SLIT3: variants seen among roughly 807,000 people sequenced by gnomAD.
SLIT3 encodes slit guidance ligand 3, also known as slit homolog 3 protein.
In SLIT3, 68 loss-of-function variants were observed where a neutral mutation model predicts 184.0. The ratio of observed to expected loss-of-function variants is 0.37; its 90% CI spans 0.30 to 0.45. The LOEUF is 0.45. Among genes scored for constraint, SLIT3 ranks in the 20% least tolerant of loss-of-function variants. The pLI is 1.00. For synonymous variants in SLIT3, 831 were observed against 828.6 expected (o/e 1.00, Z -0.05); for missense variants, 1,707 against 2,026.0 (o/e 0.84, Z 3.02).
intron 12 of SLIT3, among the ~76,000 whole-genome samples, chr5:168,777,391 C>T (rs565152145): frequency 6.6e-6 from 1 of 152,314 alleles, no homozygotes; most frequent in African/African-American, 2.4e-5. Flanking sequence ...AGGCACTAGA[C>T]AAGGACGATG....
Position 169,243,576 on chromosome 5 carries a change from G to C in SLIT3, c.341+1129C>G, listed in dbSNP as rs137931469. On this transcript the variant is annotated intron_variant, in intron 3 of 35. Transcript: ENST00000519560. ...GAGAGGGAGGAAAGCATTTTTCTGGGTAATACTAACTGACGTGCAATGGGG... is the reference window on the plus strand; with the variant it reads ...GAGAGGGAGGAAAGCATTTTTCTGGCTAATACTAACTGACGTGCAATGGGG... Among the ~76,000 whole-genome samples the C allele has an allele frequency of 5.4e-4, 82 of 152,282 alleles. 1 individual carries two copies. In the East Asian group the frequency reaches 0.011, roughly 20 times the overall value.
chr5:168,751,412 T>C (rs1247509507), intron 18 of SLIT3, among the ~76,000 whole-genome samples: 1 of 152,116 alleles, frequency 6.6e-6, no homozygotes, highest in Non-Finnish European at 1.5e-5. Context: ...GTTGAGCACT[T>C]TCTACACCTA....
chr5:169,159,203 G>A (rs1762398777), intron 4 of SLIT3, among the ~76,000 whole-genome samples: 1 of 151,838 alleles, frequency 6.6e-6, no homozygotes, highest in Admixed American at 6.6e-5. Context: ...TGACCAACAT[G>A]GAGAAACCCT....
chr5:168,977,274 A>G (rs1206335848), intron 4 of SLIT3, among the ~76,000 whole-genome samples: 1 of 152,188 alleles, frequency 6.6e-6, no homozygotes, highest in Non-Finnish European at 1.5e-5. Flanking sequence ...TTCTCCTGCC[A>G]TCTCTTTTGG....
chr5:169,142,080 AAAATAAATAAATAAATAAAT>A (rs765749214), intron 4 of SLIT3, among the ~76,000 whole-genome samples: 1 of 42,768 alleles, frequency 2.3e-5, no homozygotes, highest in Non-Finnish European at 4.1e-5. Context: ...AATAAAAATA[AAAATAAATAAATAAATAAAT>A]AAATAAATAA....
In SLIT3 at chr5:169,081,001, T is replaced by C. The variant is rs370502447; in HGVS notation, c.413+112478A>G. Among the ~76,000 whole-genome samples, 3 of 152,138 alleles carry C rather than the reference T, an allele frequency of 2.0e-5. No individual in the cohort carries two copies. In the East Asian group the frequency reaches 5.8e-4, roughly 29 times the overall value. ...AGCTGTCACATGAGATAGGAACAAA[T>C]GCACAGAGAGCACTGTGGCTGCCCC... On this transcript the variant is annotated intron_variant, in intron 4 of 35. Transcript: ENST00000519560.
chr5:168,870,415 C>A (rs575292041), intron 5 of SLIT3, among the ~76,000 whole-genome samples: 1 of 152,218 alleles, frequency 6.6e-6, no homozygotes, highest in Non-Finnish European at 1.5e-5. Context: ...CAGGTAATCA[C>A]CTCCCAGTCA....
At chr5:169,285,885 C>T (rs1767136668) in intron 1 of SLIT3, among the ~76,000 whole-genome samples, 1 of 152,198 alleles carries the variant, frequency 6.6e-6, no homozygotes, top group African/African-American at 2.4e-5. Context: ...GCAGATGATG[C>T]CTCAGACTGT....
intron 3 of SLIT3, among the ~76,000 whole-genome samples, chr5:169,242,492 A>G (rs961162493): frequency 3.3e-4 from 50 of 152,268 alleles, no homozygotes; most frequent in African/African-American, 1.2e-3. Context: ...GAAATCTGCA[A>G]ACTTCCCATG....
intron 5 of SLIT3, among the ~76,000 whole-genome samples, chr5:168,867,641 G>A (rs1759355999): frequency 6.6e-6 from 1 of 152,208 alleles, no homozygotes; most frequent in African/African-American, 2.4e-5. Context: ...TCCAGGAACA[G>A]TGCTCTGCTT....
At chr5:169,212,993 A>G (rs1764316050) in intron 3 of SLIT3, among the ~76,000 whole-genome samples, 1 of 152,130 alleles carries the variant, frequency 6.6e-6, no homozygotes, top group Non-Finnish European at 1.5e-5. Flanking sequence ...GTTCTGTTCC[A>G]TTGGTCTATA....
At chr5:168,781,999 C>T (rs1397423767) in intron 12 of SLIT3, among the ~76,000 whole-genome samples, 1 of 152,052 alleles carries the variant, frequency 6.6e-6, no homozygotes. Context: ...AGTTTCGGGT[C>T]CTGAAGAATA....
At chr5:169,112,636 C>A (rs1367057578) in intron 4 of SLIT3, among the ~76,000 whole-genome samples, 1 of 136,694 alleles carries the variant, frequency 7.3e-6, no homozygotes, top group African/African-American at 3.2e-5. Context: ...GTCTGCTCTT[C>A]ACCCTCTACC....
chr5:168,807,502 T>A (rs1757010925), intron 8 of SLIT3, among the ~76,000 whole-genome samples: 1 of 152,192 alleles, frequency 6.6e-6, no homozygotes, highest in Non-Finnish European at 1.5e-5. Context: ...AAATGTGGAT[T>A]TTTTGGTCCA....
chr5:169,152,475 A>G (rs773657785), intron 4 of SLIT3, among the ~76,000 whole-genome samples: 3 of 152,196 alleles, frequency 2.0e-5, no homozygotes, highest in Non-Finnish European at 2.9e-5. Flanking sequence ...CACTGAAGGA[A>G]CTAATCTCTT....
intron 4 of SLIT3, among the ~76,000 whole-genome samples, chr5:169,014,433 TGGA>T (rs1756285509): frequency 6.6e-6 from 1 of 151,592 alleles, no homozygotes; most frequent in Non-Finnish European, 1.5e-5. Context: ...GATGGTGAGG[TGGA>T]GAAGAGAAAG....
chr5:169,249,454 C>T (rs1765702867), intron 2 of SLIT3, among the ~76,000 whole-genome samples: 1 of 152,132 alleles, frequency 6.6e-6, no homozygotes, highest in Admixed American at 6.5e-5. Flanking sequence ...TTTCTATTTG[C>T]AGAAAGCAGA....
chr5:168,687,766 T>C (rs1411107430), intron 29 of SLIT3, among the ~76,000 whole-genome samples: 2 of 152,212 alleles, frequency 1.3e-5, no homozygotes, highest in East Asian at 1.9e-4. Context: ...CAACATGACA[T>C]GTAGAAGATG....
intron 4 of SLIT3, among the ~76,000 whole-genome samples, chr5:169,027,198 A>AG (rs1756863357): frequency 6.6e-6 from 1 of 152,204 alleles, no homozygotes; most frequent in Non-Finnish European, 1.5e-5. Flanking sequence ...GATGAGGTAA[A>AG]GCACATAGCA....
Sources: allele counts gnomAD v4.1 joint callset (sites outside exome capture counted in the v4.1 genomes callset), GRCh38; gene constraint gnomAD v4.1.1; transcripts MANE v1.5; gene names NCBI Gene and HGNC (gene_info 2026-07-23, HGNC 2026-07-21).